CELSR3: variants seen among roughly 807,000 people sequenced by gnomAD.
CELSR3 encodes the protein EGF-like protein 1.
In CELSR3, 73 loss-of-function variants were observed where a neutral mutation model predicts 270.0. The observed-to-expected ratio is 0.27, with a 90% CI of 0.22 to 0.33. CELSR3 has a LOEUF of 0.33. CELSR3 is among the 10% of genes least tolerant of loss of function. The probability of loss-of-function intolerance (pLI) is 1.00; values close to 1 mark genes in which losing one functional copy is unlikely to be tolerated. For missense variants in CELSR3, 3,614 were observed against 4,533.8 expected (o/e 0.80, Z 5.83); for synonymous variants, 1,780 against 1,905.4 (o/e 0.93, Z 1.71).
At chr3:48,648,077 C>T (rs984678344) in intron 19 of CELSR3, 81 bp from the exon 20 acceptor site, 17 of 1,537,254 alleles carry the variant, frequency 1.1e-5, no homozygotes, top group African/African-American at 6.8e-5. Context: ...ACTCGCATCC[C>T]GCACCTGAGT....
Position 48,646,923 on chromosome 3 carries a change from G to T in CELSR3, c.7135C>A (p.Pro2379Thr). The change falls in exon 21 of 35, where the codon CCC (proline) becomes ACC (threonine). Residue 2379 changes from proline to threonine, a missense_variant. By Grantham distance (38) the Pro-to-Thr change is conservative. Around this residue, in one of 7 missense-constraint regions of CELSR3, gnomAD observed 1,240 missense variants for 1,351.7 expected, o/e 0.92. Coordinates refer to ENST00000164024, the MANE Select transcript of CELSR3 (RefSeq NM_001407.3). The surrounding 1 kb of genome is among the most constrained non-coding windows in gnomAD (Gnocchi z 4.8). ...GAGTTTTCTATGCTGCTGCTTGTGG[G>T]CAGAACTGCCAGGAGAGAAGGAGGA... is the stretch of plus-strand genomic sequence containing the variant. ...SPRPSPSEVLPTSSSIENSTT... is the reference protein window; with the variant it reads ...SPRPSPSEVLTTSSSIENSTT... 1 of 1,536,894 alleles carries T rather than the reference G, an allele frequency of 6.5e-7. No individual in the cohort carries two copies. The highest frequency in any genetic ancestry group is 8.7e-7 in the Non-Finnish European group (1 of 1,146,892).
Position 48,662,428 on chromosome 3 carries a change from C to T in CELSR3, c.207G>A (p.Gly69=), listed in dbSNP as rs1261663529. ...GALALCPESS[G]VREDGGPGLG... The stretch of plus-strand genomic sequence containing the variant: ...GGCCAGGCCCCCCATCCTCCCGGAC[C>T]CCGGAAGACTCCGGACAAAGAGCTA... The change falls in exon 1 of 35, where the codon GGG becomes GGA. Residue 69 remains glycine, a synonymous_variant. Transcript: ENST00000164024. The surrounding 1 kb of genome is among the most constrained non-coding windows in gnomAD (Gnocchi z 7.1). 2.5e-6 allele frequency: 4 copies of T among 1,612,830 alleles called. No homozygotes were observed. The South Asian group carries it at 4.4e-5, about 18-fold the overall frequency.
Position 48,658,977 on chromosome 3 carries a change from C to T in CELSR3, c.3658G>A (p.Val1220Ile). 6.2e-7 allele frequency: 1 copy of T among 1,614,172 alleles called. No homozygotes were observed. Among genetic ancestry groups the T allele is most frequent in the Non-Finnish European group, 8.5e-7 (1 of 1,180,024 alleles). ...FERGNELQLL[V>I]VNQTSGELRL... Reference sequence around the variant, plus strand: ...AGCTCCCCACTGGTCTGGTTGACTACCAGCAGCTGCAGCTCATTGCCACGC... The same window carrying T: ...AGCTCCCCACTGGTCTGGTTGACTATCAGCAGCTGCAGCTCATTGCCACGC... The change falls in exon 1 of 35, where the codon GTA becomes ATA. Residue 1220 changes from valine (V) to isoleucine (I), a missense_variant. Val to Ile is a conservative substitution (Grantham distance 29). This residue lies in a region of CELSR3 where 1,331 missense variants were observed against 1,933.7 expected (regional missense o/e 0.69). Coordinates refer to ENST00000164024, the MANE Select transcript of CELSR3 (RefSeq NM_001407.3). The surrounding 1 kb of genome is among the most constrained non-coding windows in gnomAD (Gnocchi z 4.7).
Position 48,646,298 on chromosome 3 carries a change from C to A in CELSR3, c.7296-41G>T. On this transcript the variant is annotated intron_variant, in intron 21 of 34. Coordinates refer to ENST00000164024, the MANE Select transcript of CELSR3 (RefSeq NM_001407.3). This position sits in a 1 kb window ranked among gnomAD's most constrained non-coding sequence, Gnocchi z 4.8. ...TCTGGGCTTACGCACTGCTGACCTC[C>A]CCATGCTCAGCCTGCTTGCCTCACC... 1 of 1,573,552 alleles carries A rather than the reference C, an allele frequency of 6.4e-7. No homozygotes were observed.
chr3:48,652,163 C>T lies in CELSR3; in HGVS notation c.5752-115G>A. 1 of 1,117,188 alleles carries T rather than the reference C, an allele frequency of 9.0e-7. No individual in the cohort carries two copies. The highest frequency in any genetic ancestry group is 1.2e-6 in the Non-Finnish European group (1 of 812,084). 69.2% of individuals were successfully genotyped at this position (1,117,188 alleles called of 1,614,324 possible). On this transcript the variant is annotated intron_variant, in intron 11 of 34. Transcript: ENST00000164024. This position sits in a 1 kb window ranked among gnomAD's most constrained non-coding sequence, Gnocchi z 4.3. The stretch of plus-strand genomic sequence containing the variant: ...TTGACATGCAGTCTTCTGATACCCT[C>T]AAAAAACCCAGGCCTCAAAAATATC...
Position 48,653,533 on chromosome 3 carries a change from T to G in CELSR3, c.5448+86A>C. 1 of 1,515,084 alleles carries G rather than the reference T, an allele frequency of 6.6e-7. No homozygotes were observed. Among genetic ancestry groups the G allele is most frequent in the Non-Finnish European group, 9.0e-7 (1 of 1,110,514 alleles). The allele number at this position is 1,515,084 out of a possible 1,614,324, so 93.9% of individuals were successfully genotyped here. ...GGACACCTGGCAGAAAAGTATGCTG[T>G]GTGACCAACCTGAACCCACAAGAAT... On this transcript the variant is annotated intron_variant, in intron 9 of 34. Transcript: ENST00000164024. The surrounding 1 kb of genome is among the most constrained non-coding windows in gnomAD (Gnocchi z 6.5).
In CELSR3 at chr3:48,652,867, G is replaced by T; in HGVS notation, c.5634+135C>A. ...GGTGGGCTCAGTGCAAGGATATATG[G>T]TGGGGAACTAGGGGTAGAACATCAG... On this transcript the variant is annotated intron_variant, in intron 10 of 34. Transcript: ENST00000164024. The surrounding 1 kb of genome is among the most constrained non-coding windows in gnomAD (Gnocchi z 4.3). The T allele has an allele frequency of 1.2e-6, 1 of 808,644 alleles. No homozygotes were observed. The highest frequency in any genetic ancestry group is 1.6e-5 in the South Asian group (1 of 61,276). The allele number at this position is 808,644 out of a possible 1,614,324, so 50.1% of individuals were successfully genotyped here.
chr3:48,639,576 C>A lies in CELSR3; in HGVS notation c.9911+98G>T. ...CCTGGGGTAGCCCACACCTGTCTGCCAGCCCTCATCCCCTTCTGTGGCAGA... is the reference window on the plus strand; with the variant it reads ...CCTGGGGTAGCCCACACCTGTCTGCAAGCCCTCATCCCCTTCTGTGGCAGA... On this transcript the variant is annotated intron_variant, in intron 34 of 34. Coordinates refer to ENST00000164024, the MANE Select transcript of CELSR3 (RefSeq NM_001407.3). The surrounding 1 kb of genome is among the most constrained non-coding windows in gnomAD (Gnocchi z 4.1). 6.6e-7 allele frequency: 1 copy of A among 1,510,776 alleles called. No individual in the cohort carries two copies. The highest frequency in any genetic ancestry group is 9.0e-7 in the Non-Finnish European group (1 of 1,113,122). The allele number at this position is 1,510,776 out of a possible 1,614,324, so 93.6% of individuals were successfully genotyped here.
chr3:48,648,238 G>GGCCCCCCCCAA, intron 19 of CELSR3, 28 bp downstream of exon 19: 6 of 1,342,622 alleles, frequency 4.5e-6, no homozygotes, highest in Non-Finnish European at 6.4e-6. Flanking sequence ...CCCCTGCTGT[G>GGCCCCCCCCAA]CCCCGCCCTA....
Position 48,651,169 on chromosome 3 carries a change from G to T in CELSR3, c.6187-94C>A. On this transcript the variant is annotated intron_variant, in intron 14 of 34. Transcript: ENST00000164024. The surrounding 1 kb of genome is among the most constrained non-coding windows in gnomAD (Gnocchi z 7.4). ...AAAGGGTCAAGAGAACAGTGCTCATGGGCCAGAGGACACCTGGGTCATGCG... is the reference window on the plus strand; with the variant it reads ...AAAGGGTCAAGAGAACAGTGCTCATTGGCCAGAGGACACCTGGGTCATGCG... The T allele has an allele frequency of 6.9e-7, 1 of 1,451,854 alleles. No individual in the cohort carries two copies. Among genetic ancestry groups the T allele is most frequent in the Non-Finnish European group, 9.4e-7 (1 of 1,067,142 alleles). The allele number at this position is 1,451,854 out of a possible 1,614,324, so 89.9% of individuals were successfully genotyped here.
chr3:48,643,211 C>T (rs2047046235), intron 28 of CELSR3, 128 bp from the exon 29 acceptor site: 2 of 686,822 alleles, frequency 2.9e-6, no homozygotes, highest in East Asian at 5.3e-5. Context: ...CCATGCGGGA[C>T]TCAGTAAGGG....
Position 48,651,596 on chromosome 3 carries a change from C to T in CELSR3, c.6046G>A (p.Gly2016Arg), listed in dbSNP as rs769297302. The change falls in exon 13 of 35, where the codon GGG becomes AGG. Residue 2016 changes from glycine (G) to arginine (R), a missense_variant. This residue lies in a region of CELSR3 where 1,331 missense variants were observed against 1,933.7 expected (regional missense o/e 0.69). Coordinates refer to ENST00000164024, the MANE Select transcript of CELSR3 (RefSeq NM_001407.3). This position sits in a 1 kb window ranked among gnomAD's most constrained non-coding sequence, Gnocchi z 7.4. Reference sequence around the variant, plus strand: ...TCTTACCTGTGCTCACAGTGGTGCCCGAAATAGCCACCCACACAGTCACAG... The same window carrying T: ...TCTTACCTGTGCTCACAGTGGTGCCTGAAATAGCCACCCACACAGTCACAG... The part of the protein sequence containing the change: ...YTCDCVGGYF[G>R]HHCEHRMDQQ... 2 of 1,575,542 alleles carry T rather than the reference C, an allele frequency of 1.3e-6. No individual in the cohort carries two copies. Among genetic ancestry groups the T allele is most frequent in the Non-Finnish European group, 1.7e-6 (2 of 1,158,100 alleles).
Position 48,639,409 on chromosome 3 carries a change from A to G in CELSR3, c.9911+265T>C, listed in dbSNP as rs1032190997. On this transcript the variant is annotated intron_variant, in intron 34 of 34. Coordinates refer to ENST00000164024, the MANE Select transcript of CELSR3 (RefSeq NM_001407.3). This position sits in a 1 kb window ranked among gnomAD's most constrained non-coding sequence, Gnocchi z 4.1. ...CCCATTCGCTAGCTCAGCCCATCGG[A>G]TGGCACCTATTTCTCCTTAGCCTGG... 6.6e-6 allele frequency among the ~76,000 whole-genome samples: 1 copy of G among 152,058 alleles called. No individual in the cohort carries two copies. Among genetic ancestry groups the G allele is most frequent in the Non-Finnish European group, 1.5e-5 (1 of 68,020 alleles).
chr3:48,638,342 G>A, intron 34 of CELSR3, 110 bp from the exon 35 acceptor site: 1 of 784,000 alleles, frequency 1.3e-6, no homozygotes, highest in Middle Eastern at 2.2e-4. Flanking sequence ...CTCCACCACT[G>A]CTCTCGCCTC....
rs1018115123 is a variant in CELSR3 at position 48,641,796 on chromosome 3, G to T, written c.8824+55C>A. The T allele has an allele frequency of 7.8e-6, 11 of 1,407,766 alleles. No homozygotes were observed. The African/African-American group carries it at 1.3e-4, about 17-fold the overall frequency. The allele number at this position is 1,407,766 out of a possible 1,614,324, so 87.2% of individuals were successfully genotyped here. A position where few individuals can be genotyped will look rare whatever the true frequency, so the allele number is the denominator to read the frequency against. ...CCGCAGGAAAGATGGGGAGCTGGAG[G>T]GATAACAAATGGGGCATCCCTTGGT... On this transcript the variant is annotated intron_variant, in intron 32 of 34. Coordinates refer to ENST00000164024, the MANE Select transcript of CELSR3 (RefSeq NM_001407.3). The surrounding 1 kb of genome is among the most constrained non-coding windows in gnomAD (Gnocchi z 4.8).
In CELSR3 at chr3:48,656,347, TC is replaced by T; in HGVS notation, c.4417del (p.Asp1473ThrfsTer86). 1 of 1,431,222 alleles carries T rather than the reference TC, an allele frequency of 7.0e-7. No homozygotes were observed. The highest frequency in any genetic ancestry group is 3.2e-5 in the Admixed American group (1 of 31,720). The allele number at this position is 1,431,222 out of a possible 1,614,324, so 88.7% of individuals were successfully genotyped here. ...CGGCACGCAGCGGCCGGCCTCGGTGTCCAGCTCGCAGTCCTCTCCTGGGGGC... is the reference window on the plus strand; with the variant it reads ...CGGCACGCAGCGGCCGGCCTCGGTGTCAGCTCGCAGTCCTCTCCTGGGGGC... The part of the protein sequence containing the change: ...PRFTGEDCEL[D>X]TEAGRCVPGV... On this transcript the variant is annotated frameshift_variant, in exon 3 of 35. Transcript: ENST00000164024. LOFTEE classifies it high-confidence loss of function.
Position 48,652,862 on chromosome 3 carries a change from A to T in CELSR3, c.5634+140T>A, listed in dbSNP as rs1279072165. The T allele has an allele frequency of 3.8e-6, 3 of 786,480 alleles. No individual in the cohort carries two copies. The African/African-American group carries it at 5.2e-5, about 14-fold the overall frequency. 48.7% of individuals were successfully genotyped at this position (786,480 alleles called of 1,614,324 possible). ...TGGTGGGTGGGCTCAGTGCAAGGATATATGGTGGGGAACTAGGGGTAGAAC... is the reference window on the plus strand; with the variant it reads ...TGGTGGGTGGGCTCAGTGCAAGGATTTATGGTGGGGAACTAGGGGTAGAAC... On this transcript the variant is annotated intron_variant, in intron 10 of 34. Coordinates refer to ENST00000164024, the MANE Select transcript of CELSR3 (RefSeq NM_001407.3). The surrounding 1 kb of genome is among the most constrained non-coding windows in gnomAD (Gnocchi z 4.3).
In CELSR3 at chr3:48,652,696, AT is replaced by A; in HGVS notation, c.5635-144del. ...CCACAGTAGACCTTAATATTGCTTG[AT>A]TTTGACCGGGGGTGGGTAGAGACTG... On this transcript the variant is annotated intron_variant, in intron 10 of 34. Transcript: ENST00000164024. The surrounding 1 kb of genome is among the most constrained non-coding windows in gnomAD (Gnocchi z 4.3). 1 of 660,214 alleles carries A rather than the reference AT, an allele frequency of 1.5e-6. No individual in the cohort carries two copies. The highest frequency in any genetic ancestry group is 2.5e-6 in the Non-Finnish European group (1 of 392,246). The allele number at this position is 660,214 out of a possible 1,614,324, so 40.9% of individuals were successfully genotyped here.
chr3:48,659,037 G>A lies in CELSR3; in HGVS notation c.3598C>T (p.Pro1200Ser). Reference protein sequence around the residue: ...GIIGRIPAYDPDVSDHLFYSF... With the variant: ...GIIGRIPAYDSDVSDHLFYSF... The stretch of plus-strand genomic sequence containing the variant: ...TAGAAGAGGTGGTCGGAGACATCGG[G>A]GTCATAAGCTGGGATGCGCCCAATA... The change falls in exon 1 of 35, where the codon CCC becomes TCC. Residue 1200 changes from proline to serine, a missense_variant. Physicochemically the swap from Pro to Ser is moderately conservative, Grantham distance 74. Around this residue, in one of 7 missense-constraint regions of CELSR3, gnomAD observed 1,331 missense variants for 1,933.7 expected, o/e 0.69. Transcript: ENST00000164024. The surrounding 1 kb of genome is among the most constrained non-coding windows in gnomAD (Gnocchi z 8.1). 4 of 1,613,948 alleles carry A rather than the reference G, an allele frequency of 2.5e-6. No individual in the cohort carries two copies. Among genetic ancestry groups the A allele is most frequent in the Non-Finnish European group, 3.4e-6 (4 of 1,179,966 alleles).
Sources: gnomAD v4.1 joint callset for allele counts (sites outside exome capture counted in the v4.1 genomes callset) on GRCh38, gnomAD v4.1.1 for gene constraint, gnomAD v4.1.1 regional missense constraint, Gnocchi (gnomAD v3.1) non-coding constraint, MANE v1.5 for transcripts, NCBI Gene and HGNC (gene_info 2026-07-23, HGNC 2026-07-21) for gene names.